The following GARIN5B variants were observed in gnomAD, a reference collection of about 807,000 sequenced individuals.
GARIN5B encodes golgi associated RAB2 interactor family member 5B, also known as Golgi-associated RAB2 interactor protein 5B.
chr19:55,358,921 C>T, the GARIN5B span: 1,344,048 of 1,551,266 alleles, frequency 0.87, 582,660 homozygotes, highest in East Asian at 0.91. Context: ...CTTCAAGCTT[C>T]GCCCAGTGGG....
At chr19:55,361,055 G>C in the GARIN5B span, 2 of 1,550,942 alleles carry the variant, frequency 1.3e-6, no homozygotes, top group Non-Finnish European at 1.7e-6. Context: ...GACCAGATGA[G>C]GGGCACAGAG....
At chr19:55,359,640 A>G in the GARIN5B span, 2 of 1,550,650 alleles carry the variant, frequency 1.3e-6, no homozygotes. Flanking sequence ...GGTGCCTTAC[A>G]AGATGTGACA....
the GARIN5B span, chr19:55,362,989 C>T: frequency 6.7e-7 from 1 of 1,483,828 alleles, no homozygotes; most frequent in Non-Finnish European, 8.9e-7. Flanking sequence ...GGGTCTTTTG[C>T]AGCTCCCCCA....
At chr19:55,358,682 G>A in the GARIN5B span, 41 of 1,551,330 alleles carry the variant, frequency 2.6e-5, 1 homozygote, top group East Asian at 9.8e-5. Flanking sequence ...CGTGGCCGAC[G>A]CCTGCGGAGT....
At chr19:55,359,238 G>C in the GARIN5B span, 2 of 1,551,258 alleles carry the variant, frequency 1.3e-6, no homozygotes, top group Non-Finnish European at 1.7e-6. Flanking sequence ...TATTCGGTAG[G>C]TGAGGTTGGC....
the GARIN5B span, chr19:55,359,878 G>A: frequency 3.2e-6 from 5 of 1,551,398 alleles, no homozygotes; most frequent in African/African-American, 1.4e-5. Flanking sequence ...AGCTGCAGGA[G>A]CCCAGAAAGA....
At chr19:55,358,573 C>G in the GARIN5B span, 2 of 1,551,260 alleles carry the variant, frequency 1.3e-6, no homozygotes, top group Non-Finnish European at 1.7e-6. Flanking sequence ...TGCCCTCCTT[C>G]ACCCAGGTGT....
At chr19:55,362,018 G>A in the GARIN5B span, among the ~76,000 whole-genome samples, 14 of 136,568 alleles carry the variant, frequency 1.0e-4, no homozygotes, top group African/African-American at 2.1e-4. Flanking sequence ...TTCTTCCCTC[G>A]ACTCAGGGGT....
the GARIN5B span, chr19:55,358,599 C>G: frequency 6.4e-7 from 1 of 1,551,462 alleles, no homozygotes; most frequent in Non-Finnish European, 8.7e-7. Context: ...TCTGGCTGCT[C>G]TCTGACCACC....
At chr19:55,362,483 A>G in the GARIN5B span, 2 of 1,544,636 alleles carry the variant, frequency 1.3e-6, no homozygotes, top group Admixed American at 2.0e-5. Context: ...GCAGAGGTGG[A>G]CGAGGTCCAG....
the GARIN5B span, chr19:55,355,344 G>A: frequency 6.4e-7 from 1 of 1,550,552 alleles, no homozygotes; most frequent in Non-Finnish European, 8.7e-7. Context: ...GAGTGCTGCA[G>A]GCTGCAGGGA....
the GARIN5B span, chr19:55,362,940 T>A: frequency 6.6e-7 from 1 of 1,505,258 alleles, no homozygotes. Flanking sequence ...CTCTCGAACA[T>A]GGGCAGCGGA....
the GARIN5B span, chr19:55,358,756 C>T: frequency 6.0e-5 from 93 of 1,549,176 alleles, no homozygotes; most frequent in African/African-American, 9.6e-5. Context: ...TGGAGTTGGC[C>T]GTGATCATGA....
At chr19:55,361,398 G>A in the GARIN5B span, 1 of 1,529,084 alleles carries the variant, frequency 6.5e-7, no homozygotes, top group Non-Finnish European at 8.8e-7. Flanking sequence ...ACAAACAGCA[G>A]GGCCTGCTCA....
At chr19:55,359,891 C>A in the GARIN5B span, 4 of 1,551,386 alleles carry the variant, frequency 2.6e-6, no homozygotes, top group East Asian at 7.3e-5. Flanking sequence ...CAGAAAGAAG[C>A]CATCAGGGCT....
chr19:55,358,281 G>A, the GARIN5B span: 4 of 1,550,726 alleles, frequency 2.6e-6, no homozygotes, highest in East Asian at 2.4e-5. Context: ...AGGGGGTGCT[G>A]GGCTGGCATC....
chr19:55,361,802 T>C, the GARIN5B span, among the ~76,000 whole-genome samples: 1 of 92,416 alleles, frequency 1.1e-5, no homozygotes, highest in African/African-American at 4.1e-5. Context: ...CCCTCCTCCC[T>C]CAGACCCAGG....
chr19:55,359,562 A>G, the GARIN5B span: 9 of 1,551,158 alleles, frequency 5.8e-6, no homozygotes, highest in South Asian at 7.1e-5. Flanking sequence ...GGAGGAGCCA[A>G]TCCAGGTGGG....
At chr19:55,363,138 A>C in the GARIN5B span, 1 of 1,381,038 alleles carries the variant, frequency 7.2e-7, no homozygotes, top group East Asian at 2.9e-5. This position sits in a 1 kb window ranked among gnomAD's most constrained non-coding sequence, Gnocchi z 4.0. Context: ...GCCCCGGCCC[A>C]CCAGCCTTGA....
Sources: gnomAD v4.1 joint callset for allele counts (sites outside exome capture counted in the v4.1 genomes callset) on GRCh38, gnomAD v4.1.1 for gene constraint, Gnocchi (gnomAD v3.1) non-coding constraint, MANE v1.5 for transcripts, NCBI Gene and HGNC (gene_info 2026-07-23, HGNC 2026-07-21) for gene names.